Variants in SV2C observed in about 807,000 individuals in gnomAD.
SV2C encodes the protein solute carrier family 22 member B3.
A neutral mutation model predicts 79.7 loss-of-function variants in SV2C; 49 were observed. The observed-to-expected ratio is 0.61, with a 90% CI of 0.49 to 0.78. The LOEUF is 0.78. Ranked by LOEUF, SV2C falls within the 30% of genes least tolerant of loss-of-function variation. The pLI is 0.00. For synonymous variants in SV2C, 334 were observed against 333.2 expected (o/e 1.00, Z -0.03); for missense variants, 833 against 912.9 (o/e 0.91, Z 1.13).
At chr5:76,129,362 G>A (rs557010144) in intron 1 of SV2C, among the ~76,000 whole-genome samples, 4 of 152,288 alleles carry the variant, frequency 2.6e-5, no homozygotes, top group South Asian at 2.1e-4. Context: ...CCTGAGCTTC[G>A]ATTTGGGGGA....
rs748269275 is a variant in SV2C at position 76,329,847 on chromosome 5, A to G, written c.*4300A>G. The G allele has an allele frequency of 3.3e-5, 5 of 152,182 alleles. No individual in the cohort carries two copies. The highest frequency in any genetic ancestry group is 4.8e-5 in the African/African-American group (2 of 41,454). 9.4% of individuals were successfully genotyped at this position (152,182 alleles called of 1,614,324 possible). On this transcript the variant is annotated 3_prime_UTR_variant, in exon 13 of 13. Coordinates refer to ENST00000502798, the MANE Select transcript of SV2C (RefSeq NM_014979.4). ...CTTCACCTGGTATCACAGAAAGACAACTGGGATATTGGTGTTAAGGGGCAT... is the reference window on the plus strand; with the variant it reads ...CTTCACCTGGTATCACAGAAAGACAGCTGGGATATTGGTGTTAAGGGGCAT...
the SV2C span, among the ~76,000 whole-genome samples, chr5:75,893,010 A>G: frequency 2.6e-5 from 4 of 152,128 alleles, no homozygotes; most frequent in Non-Finnish European, 5.9e-5. Flanking sequence ...ACTGCTTTCC[A>G]CAGTGACTGA....
At chr5:76,026,201 A>AACAAACACACAC in the SV2C span, among the ~76,000 whole-genome samples, 13 of 140,138 alleles carry the variant, frequency 9.3e-5, no homozygotes, top group African/African-American at 3.2e-4. Flanking sequence ...CAAATTTACA[A>AACAAACACACAC]ACACACACAC....
At chr5:76,024,411 G>A in the SV2C span, among the ~76,000 whole-genome samples, 2 of 152,176 alleles carry the variant, frequency 1.3e-5, no homozygotes, top group Admixed American at 1.3e-4. Context: ...TTGTGAACAT[G>A]TTGTCACTTA....
chr5:76,081,297 G>C (rs1746983409), upstream of SV2C, among the ~76,000 whole-genome samples: 1 of 152,154 alleles, frequency 6.6e-6, no homozygotes, highest in Non-Finnish European at 1.5e-5. Flanking sequence ...CCATTATTCT[G>C]CAACAGTTTA....
the SV2C span, among the ~76,000 whole-genome samples, chr5:75,909,656 T>C: frequency 1.3e-5 from 2 of 152,242 alleles, no homozygotes; most frequent in East Asian, 1.9e-4. Context: ...CAGGAGAGCA[T>C]GCATAGCATC....
chr5:75,992,148 A>C, the SV2C span, among the ~76,000 whole-genome samples: 1 of 151,984 alleles, frequency 6.6e-6, no homozygotes, highest in Admixed American at 6.6e-5. Context: ...TATCCACGTC[A>C]TGGTCTATAT....
chr5:75,986,883 G>A, the SV2C span, among the ~76,000 whole-genome samples: 3 of 152,124 alleles, frequency 2.0e-5, no homozygotes, highest in Middle Eastern at 0.01. Flanking sequence ...GAGGCCAGAT[G>A]CATTTGCTGT....
At chr5:76,062,915 C>T in the SV2C span, among the ~76,000 whole-genome samples, 1 of 152,096 alleles carries the variant, frequency 6.6e-6, no homozygotes, top group Non-Finnish European at 1.5e-5. Flanking sequence ...ATTTTTCTGA[C>T]CACGAAGCAG....
At chr5:76,341,379 C>CA (rs1262740415) in intron 12 of SV2C, among the ~76,000 whole-genome samples, 56 of 144,110 alleles carry the variant, frequency 3.9e-4, no homozygotes, top group Admixed American at 3.5e-3. Flanking sequence ...AAACATGAAA[C>CA]AAAAAAACAA....
At chr5:76,142,436 A>G (rs1451068666) in intron 2 of SV2C, among the ~76,000 whole-genome samples, 2 of 152,226 alleles carry the variant, frequency 1.3e-5, no homozygotes, top group African/African-American at 4.8e-5. Flanking sequence ...AATTATGTAA[A>G]TACAGATTAG....
intron 1 of SV2C, among the ~76,000 whole-genome samples, chr5:76,090,487 T>G (rs190296626): frequency 1.9e-4 from 29 of 152,292 alleles, no homozygotes; most frequent in Non-Finnish European, 4.0e-4. Flanking sequence ...AAACACCTAG[T>G]TCAGTGTTCT....
chr5:76,170,827 C>T (rs1743202164), intron 2 of SV2C: 2 of 226,378 alleles, frequency 8.8e-6, no homozygotes, highest in Admixed American at 1.2e-4. Context: ...CCCGTCCGGC[C>T]ATGGTGGCCG....
chr5:76,119,894 A>G lies in SV2C; in HGVS notation c.-101-11756A>G, dbSNP rs183826906. Among the ~76,000 whole-genome samples, 174 of 152,318 alleles carry G rather than the reference A, an allele frequency of 1.1e-3. 1 individual carries two copies. Among genetic ancestry groups the G allele is most frequent in the Admixed American group, 4.1e-3 (63 of 15,290 alleles). ...ATGAAAGAGATTTTATTTTATGGGT[A>G]ATATCTATTGATATTTACCGTAGTA... On this transcript the variant is annotated intron_variant, in intron 1 of 12. Transcript: ENST00000502798.
chr5:76,171,109 G>T lies in SV2C; in HGVS notation c.581-23810G>T, dbSNP rs867098480. 369 of 76,548 alleles carry T rather than the reference G, an allele frequency of 4.8e-3. 5 individuals carry two copies. Among genetic ancestry groups the T allele is most frequent in the African/African-American group, 0.028 (341 of 11,974 alleles). The allele number at this position is 76,548 out of a possible 1,614,324, so 4.7% of individuals were successfully genotyped here. ...CGGGGCCCGAGGGCAAGGAGCAGCC[G>T]CCTGCCTTGGCCTCCCAAAGTGCCG... On this transcript the variant is annotated intron_variant, in intron 2 of 12. Transcript: ENST00000502798.
At chr5:76,311,501 A>G (rs568727377) in intron 12 of SV2C, 37 of 152,340 alleles carry the variant, frequency 2.4e-4, no homozygotes, top group African/African-American at 8.9e-4. Context: ...ATTATGAGGA[A>G]AGAAATGAAG....
chr5:76,291,925 G>A, intron 8 of SV2C, 69 bp downstream of exon 8: 1 of 1,199,372 alleles, frequency 8.3e-7, no homozygotes, highest in Admixed American at 2.1e-5. Flanking sequence ...TAGCCATGCT[G>A]CTTTCTTTTC....
intron 4 of SV2C, among the ~76,000 whole-genome samples, chr5:76,257,306 T>C (rs1746310416): frequency 6.7e-6 from 1 of 150,078 alleles, no homozygotes; most frequent in South Asian, 2.1e-4. Flanking sequence ...GTGTGTGGTA[T>C]CTGTATGGTG....
chr5:76,017,663 T>A, the SV2C span, among the ~76,000 whole-genome samples: 1 of 152,204 alleles, frequency 6.6e-6, no homozygotes, highest in Admixed American at 6.5e-5. Flanking sequence ...AACTTCATTA[T>A]TTAACCAACA....
Sources: gnomAD v4.1 joint callset for allele counts (sites outside exome capture counted in the v4.1 genomes callset) on GRCh38, gnomAD v4.1.1 for gene constraint, MANE v1.5 for transcripts, NCBI Gene and HGNC (gene_info 2026-07-23, HGNC 2026-07-21) for gene names.